Variants in PTPRO observed in about 807,000 individuals in gnomAD.
The protein encoded by PTPRO is protein tyrosine phosphatase receptor type O, also known as receptor-type tyrosine-protein phosphatase O.
PTPRO carries 62 observed loss-of-function variants against 145.2 expected under a neutral mutation model. The ratio of observed to expected loss-of-function variants is 0.43; its 90% CI spans 0.35 to 0.53. The LOEUF is 0.53. Ranked by LOEUF, PTPRO falls within the 20% of genes least tolerant of loss-of-function variation. PTPRO has a pLI of 0.01. For synonymous variants in PTPRO, 565 were observed against 514.7 expected (o/e 1.10, Z -1.32); for missense variants, 1,345 against 1,482.7 (o/e 0.91, Z 1.53).
chr12:15,359,940 C>T (rs1329769604), intron 1 of PTPRO, among the ~76,000 whole-genome samples: 1 of 152,180 alleles, frequency 6.6e-6, no homozygotes, highest in Non-Finnish European at 1.5e-5. Flanking sequence ...TCCTAAAATT[C>T]CCCAAGCATT....
At chr12:15,501,495 G>GT in intron 4 of PTPRO, 125 bp from the exon 5 acceptor site, 1 of 871,558 alleles carries the variant, frequency 1.1e-6, no homozygotes, top group South Asian at 1.6e-5. Context: ...ATTTGTCTGT[G>GT]TATCAGAAGT....
At position 15,500,443 on chromosome 12, in the gene PTPRO, C is replaced by T. The variant is rs1462333308; in HGVS notation, c.661+849C>T. ...TAGAAAAACATTAATTGAGCACCTTCTACCTGGAAGTTGTTCTCAGTACTG... is the reference window on the plus strand; with the variant it reads ...TAGAAAAACATTAATTGAGCACCTTTTACCTGGAAGTTGTTCTCAGTACTG... On this transcript the variant is annotated intron_variant, in intron 4 of 26. Transcript: ENST00000281171. Among the ~76,000 whole-genome samples, 3 of 152,180 alleles carry T rather than the reference C, an allele frequency of 2.0e-5. No individual in the cohort carries two copies. The East Asian group carries it at 5.8e-4, about 29-fold the overall frequency.
At chr12:15,461,862 G>T (rs943656449) in intron 1 of PTPRO, among the ~76,000 whole-genome samples, 1 of 151,924 alleles carries the variant, frequency 6.6e-6, no homozygotes, top group African/African-American at 2.4e-5. Context: ...AACCATGCCT[G>T]GCCTGCTACA....
At chr12:15,459,384 A>G (rs1941251804) in intron 1 of PTPRO, among the ~76,000 whole-genome samples, 1 of 152,208 alleles carries the variant, frequency 6.6e-6, no homozygotes, top group African/African-American at 2.4e-5. Context: ...ATCCTTGGGC[A>G]ACCCCCAGGA....
intron 19 of PTPRO, 51 bp from the exon 20 acceptor site, chr12:15,578,802 C>G (rs1304508719): frequency 7.3e-7 from 1 of 1,377,768 alleles, no homozygotes; most frequent in Admixed American, 1.7e-5. Flanking sequence ...GAACAATAAT[C>G]CAATTCACAC....
At chr12:15,435,020 T>C (rs188915548) in intron 1 of PTPRO, among the ~76,000 whole-genome samples, 30 of 152,190 alleles carry the variant, frequency 2.0e-4, no homozygotes, top group African/African-American at 7.2e-4. Context: ...CCTCTCAAGG[T>C]GGTTTATTGG....
At chr12:15,548,528 ATGTG>A (rs34372542) in intron 13 of PTPRO, among the ~76,000 whole-genome samples, 30 of 149,332 alleles carry the variant, frequency 2.0e-4, no homozygotes, top group Middle Eastern at 3.4e-3. Flanking sequence ...GTGTATATAT[ATGTG>A]TGTGTGTGTG....
At chr12:15,473,286 T>C (rs1022945503) in intron 1 of PTPRO, among the ~76,000 whole-genome samples, 1 of 152,186 alleles carries the variant, frequency 6.6e-6, no homozygotes, top group African/African-American at 2.4e-5. Flanking sequence ...AGTACCCATC[T>C]TACTCATGTG....
At chr12:15,493,994 A>C (rs140985558) in intron 2 of PTPRO, among the ~76,000 whole-genome samples, 1 of 152,320 alleles carries the variant, frequency 6.6e-6, no homozygotes, top group East Asian at 1.9e-4. Context: ...GGCAATAAAA[A>C]CAAGCTGCAG....
intron 1 of PTPRO, among the ~76,000 whole-genome samples, chr12:15,419,962 A>G (rs1340922486): frequency 4.0e-5 from 6 of 151,370 alleles, no homozygotes; most frequent in Admixed American, 3.9e-4. Flanking sequence ...CGTGGCTGAC[A>G]CGGTGAAACC....
intron 12 of PTPRO, among the ~76,000 whole-genome samples, chr12:15,529,393 C>T (rs1477143425): frequency 6.6e-6 from 1 of 151,676 alleles, no homozygotes; most frequent in East Asian, 1.9e-4. Context: ...GTGGCTCATG[C>T]CTGTAATCCA....
intron 1 of PTPRO, among the ~76,000 whole-genome samples, chr12:15,416,586 T>C (rs1163969171): frequency 6.6e-6 from 1 of 151,600 alleles, no homozygotes; most frequent in African/African-American, 2.4e-5. Flanking sequence ...CCCAAAGTGC[T>C]GGGATTACAG....
intron 1 of PTPRO, among the ~76,000 whole-genome samples, chr12:15,429,909 G>A (rs1032482239): frequency 1.3e-5 from 2 of 152,110 alleles, no homozygotes; most frequent in South Asian, 4.1e-4. Context: ...AGGTAAGAGA[G>A]GAGTTGAAGG....
chr12:15,561,813 A>T (rs73066694), intron 17 of PTPRO, among the ~76,000 whole-genome samples: 14,156 of 152,206 alleles, frequency 0.093, 856 homozygotes, highest in Non-Finnish European at 0.14. Context: ...AGATGCATAT[A>T]TCATTTCCTT....
chr12:15,555,484 G>C (rs1318235016), intron 15 of PTPRO, among the ~76,000 whole-genome samples: 1 of 152,176 alleles, frequency 6.6e-6, no homozygotes, highest in South Asian at 2.1e-4. Context: ...ATGCAGAAGA[G>C]ATGATAATTG....
At chr12:15,430,674 G>A (rs1940411324) in intron 1 of PTPRO, among the ~76,000 whole-genome samples, 1 of 152,068 alleles carries the variant, frequency 6.6e-6, no homozygotes, top group Non-Finnish European at 1.5e-5. Flanking sequence ...TGGATGCTTA[G>A]TAACAATATA....
At chr12:15,533,478 A>T (rs1943003323) in intron 12 of PTPRO, among the ~76,000 whole-genome samples, 1 of 152,198 alleles carries the variant, frequency 6.6e-6, no homozygotes, top group Non-Finnish European at 1.5e-5. Context: ...ATTTTATATA[A>T]CACAATGCCT....
At chr12:15,571,860 T>C (rs897956490) in intron 19 of PTPRO, among the ~76,000 whole-genome samples, 1 of 152,188 alleles carries the variant, frequency 6.6e-6, no homozygotes, top group African/African-American at 2.4e-5. Context: ...AGAGAGGGTA[T>C]TGGGAGAACC....
At chr12:15,494,254 T>C (rs1235663459) in intron 2 of PTPRO, among the ~76,000 whole-genome samples, 1 of 152,184 alleles carries the variant, frequency 6.6e-6, no homozygotes, top group Admixed American at 6.5e-5. Context: ...AACAAAGATA[T>C]TAAGTGATTC....
Sources: gnomAD v4.1 joint callset for allele counts (sites outside exome capture counted in the v4.1 genomes callset) on GRCh38, gnomAD v4.1.1 for gene constraint, MANE v1.5 for transcripts, NCBI Gene and HGNC (gene_info 2026-07-23, HGNC 2026-07-21) for gene names.